CDH10: variants seen among roughly 807,000 people sequenced by gnomAD.
CDH10 encodes the protein cadherin-10.
CDH10 carries 30 observed loss-of-function variants against 73.1 expected under a neutral mutation model. The observed-to-expected ratio is 0.41, with a 90% CI of 0.31 to 0.56. The LOEUF (loss-of-function observed/expected upper bound fraction) is 0.56. Among genes scored for constraint, CDH10 ranks in the 20% least tolerant of loss-of-function variants. CDH10 has a pLI of 0.27. For synonymous variants in CDH10, 345 were observed against 348.2 expected, an observed-to-expected ratio of 0.99 and a Z score of 0.10; for missense variants, 815 against 973.7, an observed-to-expected ratio of 0.84 and a Z score of 2.17.
chr5:24,509,221 C>A (rs1206626296), intron 7 of CDH10, among the ~76,000 whole-genome samples: 18 of 108,848 alleles, frequency 1.7e-4, no homozygotes, highest in East Asian at 5.4e-4. Flanking sequence ...TTTTAAACAA[C>A]ATTTTGTTCT....
chr5:24,529,063 T>C (rs572786265), intron 5 of CDH10, among the ~76,000 whole-genome samples: 2 of 152,170 alleles, frequency 1.3e-5, no homozygotes, highest in Admixed American at 1.3e-4. Flanking sequence ...ATTGAGTTTA[T>C]ATTTGCACAA....
At chr5:24,491,918 A>T in intron 10 of CDH10, 91 bp from the exon 11 acceptor site, 3 of 727,496 alleles carry the variant, frequency 4.1e-6, no homozygotes, top group Non-Finnish European at 6.5e-6. Context: ...ATAAAAACAT[A>T]TTTATGTAAA....
chr5:24,559,510 T>G (rs1207932626), intron 2 of CDH10, among the ~76,000 whole-genome samples: 1 of 152,068 alleles, frequency 6.6e-6, no homozygotes, highest in Non-Finnish European at 1.5e-5. Flanking sequence ...TGATTCACAC[T>G]GCAGTACTTT....
chr5:24,521,949 T>G (rs1167656557), intron 5 of CDH10, among the ~76,000 whole-genome samples: 1 of 151,770 alleles, frequency 6.6e-6, no homozygotes, highest in Non-Finnish European at 1.5e-5. Flanking sequence ...GCCTGGCCAA[T>G]ATGGTGAAAC....
intron 8 of CDH10, among the ~76,000 whole-genome samples, chr5:24,500,316 T>C (rs1241082270): frequency 3.9e-5 from 6 of 152,218 alleles, no homozygotes; most frequent in African/African-American, 1.4e-4. Flanking sequence ...TGAGCGAGAA[T>C]AAAGAAAGGC....
chr5:24,536,954 G>T (rs1743976988), intron 3 of CDH10, among the ~76,000 whole-genome samples: 1 of 151,790 alleles, frequency 6.6e-6, no homozygotes, highest in African/African-American at 2.4e-5. Flanking sequence ...TATGTAGATA[G>T]TACATATTCC....
At chr5:24,493,153 TA>T (rs1281276206) in intron 9 of CDH10, among the ~76,000 whole-genome samples, 3 of 151,952 alleles carry the variant, frequency 2.0e-5, no homozygotes, top group Non-Finnish European at 2.9e-5. Flanking sequence ...AAATGGTAAA[TA>T]AAAAATATAT....
chr5:24,535,773 A>G lies in CDH10; in HGVS notation c.576T>C (p.Tyr192=), dbSNP rs144863675. 270 of 1,610,438 alleles carry G rather than the reference A, an allele frequency of 1.7e-4. No homozygotes were observed. The African/African-American group carries it at 3.2e-3, about 19-fold the overall frequency. Residue 192 remains tyrosine (Y), a synonymous_variant, in exon 4 of 12, where the codon TAT becomes TAC. Coordinates refer to ENST00000264463, the MANE Select transcript of CDH10 (RefSeq NM_006727.5). ...TGTAAATGACTCTGGCGCTGTTCCC[A>G]TATGAAGGGTCATCGGCATCTGTAG... ...VTATDADDPS[Y]GNSARVIYSI...
chr5:24,577,283 A>T (rs13182163), intron 2 of CDH10, among the ~76,000 whole-genome samples: 58,199 of 152,018 alleles, frequency 0.38, 13,562 homozygotes, highest in East Asian at 0.54. Flanking sequence ...AAAGTACTAA[A>T]GTAACTGAAA....
At chr5:24,522,107 G>A (rs960950448) in intron 5 of CDH10, among the ~76,000 whole-genome samples, 2 of 151,946 alleles carry the variant, frequency 1.3e-5, no homozygotes, top group African/African-American at 4.8e-5. Flanking sequence ...GCACTCCAGT[G>A]GGCTACAGAG....
chr5:24,611,347 G>A (rs1746942580), intron 1 of CDH10, among the ~76,000 whole-genome samples: 2 of 152,000 alleles, frequency 1.3e-5, no homozygotes, highest in South Asian at 4.2e-4. Context: ...TAACAATTTG[G>A]GAGGTGAGAG....
At chr5:24,617,663 C>A (rs1747170482) in intron 1 of CDH10, among the ~76,000 whole-genome samples, 1 of 152,150 alleles carries the variant, frequency 6.6e-6, no homozygotes, top group African/African-American at 2.4e-5. Context: ...AAAGAAATAT[C>A]TGACCACAAA....
intron 7 of CDH10, among the ~76,000 whole-genome samples, chr5:24,506,112 C>CAAAAAAAAAAAAAAAA (rs956289293): frequency 1.2e-5 from 1 of 81,932 alleles, no homozygotes. Context: ...AAGACTCCGT[C>CAAAAAAAAAAAAAAAA]AAAAAAAAAA....
chr5:24,640,445 T>G (rs2112219392), intron 1 of CDH10, among the ~76,000 whole-genome samples: 1 of 151,898 alleles, frequency 6.6e-6, no homozygotes, highest in African/African-American at 2.4e-5. Context: ...GTCTATTGTT[T>G]AATTCTGTCC....
At chr5:24,549,538 C>A (rs1041413089) in intron 2 of CDH10, among the ~76,000 whole-genome samples, 1 of 145,364 alleles carries the variant, frequency 6.9e-6, no homozygotes, top group African/African-American at 2.5e-5. Flanking sequence ...GAAGCCAATA[C>A]ACAATGGAAT....
chr5:24,598,643 G>T (rs1157580662), intron 1 of CDH10, among the ~76,000 whole-genome samples: 2 of 151,640 alleles, frequency 1.3e-5, no homozygotes, highest in Non-Finnish European at 2.9e-5. Context: ...ATATATCACT[G>T]TTGAATGAAA....
At chr5:24,538,367 A>C (rs2111900918) in intron 2 of CDH10, among the ~76,000 whole-genome samples, 1 of 152,216 alleles carries the variant, frequency 6.6e-6, no homozygotes, top group South Asian at 2.1e-4. Context: ...CTTTTTAAAA[A>C]CCTACAAGGA....
intron 5 of CDH10, among the ~76,000 whole-genome samples, chr5:24,518,743 AT>A (rs1443732055): frequency 6.6e-6 from 1 of 152,088 alleles, no homozygotes; most frequent in Non-Finnish European, 1.5e-5. Flanking sequence ...GCACTCAAAA[AT>A]ATTAAGTCAT....
At chr5:24,527,392 ATAT>A (rs1322077561) in intron 5 of CDH10, among the ~76,000 whole-genome samples, 1 of 149,826 alleles carries the variant, frequency 6.7e-6, no homozygotes, top group Non-Finnish European at 1.5e-5. Context: ...ATGTACACAC[ATAT>A]TATATATATT....
Sources: gnomAD v4.1 joint callset for allele counts (sites outside exome capture counted in the v4.1 genomes callset) on GRCh38, gnomAD v4.1.1 for gene constraint, MANE v1.5 for transcripts, NCBI Gene and HGNC (gene_info 2026-07-23, HGNC 2026-07-21) for gene names.